The following TCHP variants were observed in gnomAD, a reference collection of about 807,000 sequenced individuals.
TCHP encodes the protein trichoplein keratin filament binding.
A neutral mutation model predicts 88.7 loss-of-function variants in TCHP; 81 were observed. The observed-to-expected ratio is 0.91, with a 90% CI of 0.76 to 1.10. The LOEUF is 1.10. TCHP is among the 50% of genes least tolerant of loss of function. The probability of loss-of-function intolerance (pLI) is 0.00; values close to 1 mark genes in which losing one functional copy is unlikely to be tolerated. For missense variants in TCHP, 641 were observed against 632.1 expected (o/e 1.01, Z -0.15); for synonymous variants, 232 against 232.5 (o/e 1.00, Z 0.02).
chr12:109,891,784 A>G, the TCHP span, among the ~76,000 whole-genome samples: 1 of 151,498 alleles, frequency 6.6e-6, no homozygotes, highest in African/African-American at 2.4e-5. Flanking sequence ...GGCTAGGCTC[A>G]CTGAAAACTC....
At chr12:109,909,177 TAAGTG>T (rs1331295272) in intron 8 of TCHP, among the ~76,000 whole-genome samples, 5 of 152,216 alleles carry the variant, frequency 3.3e-5, no homozygotes, top group Non-Finnish European at 7.4e-5. Context: ...GAGCCAATCT[TAAGTG>T]TTGTCACCAT....
In TCHP at chr12:109,905,036, A is replaced by G. The variant is rs886565485; in HGVS notation, c.456+243A>G. ...CCAGGTGCGGGCATGGAGATTAGAC[A>G]TGGTTTCTGCTCATTAGCTTGTGTC... On this transcript the variant is annotated intron_variant, in intron 4 of 12. Coordinates refer to ENST00000405876, the MANE Select transcript of TCHP (RefSeq NM_001143852.2). The surrounding 1 kb of genome is among the most constrained non-coding windows in gnomAD (Gnocchi z 4.0). 7.7e-6 allele frequency: 4 copies of G among 517,172 alleles called. No homozygotes were observed. Among genetic ancestry groups the G allele is most frequent in the African/African-American group, 1.9e-5 (1 of 51,936 alleles). 32.0% of individuals were successfully genotyped at this position (517,172 alleles called of 1,614,324 possible).
At chr12:109,913,340 G>T (rs945579472) in intron 10 of TCHP, among the ~76,000 whole-genome samples, 2 of 152,238 alleles carry the variant, frequency 1.3e-5, no homozygotes, top group African/African-American at 4.8e-5. Context: ...TTCTATGCCT[G>T]ACATTTTTTC....
At position 109,917,626 on chromosome 12, in the gene TCHP, C is replaced by G. The variant is rs117176903; in HGVS notation, c.*1003C>G. The G allele has an allele frequency of 3.3e-5, 5 of 152,510 alleles. No homozygotes were observed. Among genetic ancestry groups the G allele is most frequent in the South Asian group, 2.1e-4 (1 of 4,826 alleles). The allele number at this position is 152,510 out of a possible 1,614,324, so 9.4% of individuals were successfully genotyped here. On this transcript the variant is annotated 3_prime_UTR_variant, in exon 13 of 13. Transcript: ENST00000405876. The stretch of plus-strand genomic sequence containing the variant: ...CTAGATGAGTCTCAGAACCACAGAC[C>G]GGCCAGAAATCTCTCCCACCATTAT...
At position 109,905,960 on chromosome 12, in the gene TCHP, C is replaced by G. The variant is rs1307764519; in HGVS notation, c.457-612C>G. Among the ~76,000 whole-genome samples, 1 of 152,210 alleles carries G rather than the reference C, an allele frequency of 6.6e-6. No individual in the cohort carries two copies. Among genetic ancestry groups the G allele is most frequent in the African/African-American group, 2.4e-5 (1 of 41,438 alleles). On this transcript the variant is annotated intron_variant, in intron 4 of 12. Coordinates refer to ENST00000405876, the MANE Select transcript of TCHP (RefSeq NM_001143852.2). The surrounding 1 kb of genome is among the most constrained non-coding windows in gnomAD (Gnocchi z 4.0). ...AAGTGATCCTCCCACCTCAGCCTCC[C>G]GAGTAGCTGAGACTACAGGTGGGCG...
Position 109,904,096 on chromosome 12 carries a change from C to T in TCHP, c.348C>T (p.Ile116=). Residue 116 remains isoleucine, a synonymous_variant, in exon 3 of 13, where the codon ATC becomes ATT. Transcript: ENST00000405876. ...RLSMNLQERR[I]REQHGKLKSA... ...GCATGAACTTGCAGGAAAGAAGAAT[C>T]CGGGAGCAGCACGGGAAGCTGAAAT... 6.3e-7 allele frequency: 1 copy of T among 1,594,342 alleles called. No individual in the cohort carries two copies. The highest frequency in any genetic ancestry group is 1.3e-5 in the African/African-American group (1 of 74,524).
At chr12:109,913,803 G>T (rs1354742336) in intron 10 of TCHP, among the ~76,000 whole-genome samples, 1 of 152,202 alleles carries the variant, frequency 6.6e-6, no homozygotes, top group Non-Finnish European at 1.5e-5. Flanking sequence ...GTCGTGATTG[G>T]TGATGTTTTG....
the TCHP span, among the ~76,000 whole-genome samples, chr12:109,889,669 T>C: frequency 6.6e-6 from 1 of 152,128 alleles, no homozygotes; most frequent in African/African-American, 2.4e-5. Context: ...TGATGTGAGA[T>C]TTCAATGGGT....
Position 109,903,826 on chromosome 12 carries a change from C to G in TCHP, c.189-111C>G. ...TCTCTGCTTTGGCTGGGGACACATTCCTGTGTCGTCATGACACATCTACCT... is the reference window on the plus strand; with the variant it reads ...TCTCTGCTTTGGCTGGGGACACATTGCTGTGTCGTCATGACACATCTACCT... On this transcript the variant is annotated intron_variant, in intron 2 of 12. Transcript: ENST00000405876. The surrounding 1 kb of genome is among the most constrained non-coding windows in gnomAD (Gnocchi z 4.6). 4 of 830,408 alleles carry G rather than the reference C, an allele frequency of 4.8e-6. No homozygotes were observed. The highest frequency in any genetic ancestry group is 7.9e-6 in the Non-Finnish European group (4 of 504,694). 51.4% of individuals were successfully genotyped at this position (830,408 alleles called of 1,614,324 possible).
chr12:109,912,603 C>T (rs1002815372), intron 9 of TCHP, among the ~76,000 whole-genome samples: 1 of 152,084 alleles, frequency 6.6e-6, no homozygotes, highest in African/African-American at 2.4e-5. Context: ...CCAGCCTGAC[C>T]AACATGGTGA....
Position 109,908,574 on chromosome 12 carries a change from T to C in TCHP, c.700-12T>C. 1 of 1,587,578 alleles carries C rather than the reference T, an allele frequency of 6.3e-7. No individual in the cohort carries two copies. The highest frequency in any genetic ancestry group is 1.2e-5 in the South Asian group (1 of 86,698). ...CAGATCTCAGTCGAGCTTACTCTCA[T>C]CATCACCACAGGCGACCAAACTAAA... is the stretch of plus-strand genomic sequence containing the variant. On this transcript the variant is annotated splice_polypyrimidine_tract_variant and intron_variant, in intron 6 of 12. Coordinates refer to ENST00000405876, the MANE Select transcript of TCHP (RefSeq NM_001143852.2).
At chr12:109,907,167 C>T (rs1402809282) in intron 5 of TCHP, among the ~76,000 whole-genome samples, 2 of 152,220 alleles carry the variant, frequency 1.3e-5, no homozygotes, top group Admixed American at 6.5e-5. Context: ...GGATTACAGG[C>T]GTGGGCCACA....
intron 3 of TCHP, among the ~76,000 whole-genome samples, chr12:109,904,359 A>T (rs1870004864): frequency 6.6e-6 from 1 of 152,104 alleles, no homozygotes; most frequent in Non-Finnish European, 1.5e-5. Context: ...ATTACATCTG[A>T]GTGCTTTTCC....
upstream of TCHP, among the ~76,000 whole-genome samples, chr12:109,899,216 GAACA>G (rs1205992621): frequency 6.6e-6 from 1 of 152,128 alleles, no homozygotes; most frequent in Non-Finnish European, 1.5e-5. Context: ...AAAGAAAAGA[GAACA>G]AACAAGTATT....
In TCHP at chr12:109,903,841, C is replaced by T; in HGVS notation, c.189-96C>T. On this transcript the variant is annotated intron_variant, in intron 2 of 12. Transcript: ENST00000405876. The surrounding 1 kb of genome is among the most constrained non-coding windows in gnomAD (Gnocchi z 4.6). Reference sequence around the variant, plus strand: ...GGGACACATTCCTGTGTCGTCATGACACATCTACCTCAGCCTCTTTTACCG... The same window carrying T: ...GGGACACATTCCTGTGTCGTCATGATACATCTACCTCAGCCTCTTTTACCG... 1.0e-6 allele frequency: 1 copy of T among 963,758 alleles called. No individual in the cohort carries two copies. The highest frequency in any genetic ancestry group is 1.6e-6 in the Non-Finnish European group (1 of 619,306). 59.7% of individuals were successfully genotyped at this position (963,758 alleles called of 1,614,324 possible).
At chr12:109,904,297 C>G (rs1318637153) in intron 3 of TCHP, 150 bp downstream of exon 3, 1 of 691,264 alleles carries the variant, frequency 1.4e-6, no homozygotes, top group African/African-American at 1.8e-5. Flanking sequence ...GGTCCTTGTG[C>G]AGGGACTGGG....
intron 5 of TCHP, 124 bp from the exon 6 acceptor site, chr12:109,907,402 G>A (rs960328867): frequency 2.6e-5 from 25 of 969,010 alleles, no homozygotes; most frequent in Middle Eastern, 2.2e-4. Context: ...GTCTGAGGGC[G>A]TTGTCATTTG....
At chr12:109,887,424 A>C in the TCHP span, among the ~76,000 whole-genome samples, 26 of 145,018 alleles carry the variant, frequency 1.8e-4, 1 homozygote, top group African/African-American at 6.3e-4. Context: ...AAAAAAAAAC[A>C]AAAAAAAAAA....
chr12:109,915,673 TC>T lies in TCHP; in HGVS notation c.1464+128del. On this transcript the variant is annotated intron_variant, in intron 12 of 12. Coordinates refer to ENST00000405876, the MANE Select transcript of TCHP (RefSeq NM_001143852.2). ...CCGGCCGTCCGGGTTATTCCTTGTT[TC>T]TCTTCTCTTGTATTTCTCTCTTCCC... The T allele has an allele frequency of 5.2e-6, 6 of 1,149,698 alleles. 1 individual carries two copies. The South Asian group carries it at 9.8e-5, about 19-fold the overall frequency. 71.2% of individuals were successfully genotyped at this position (1,149,698 alleles called of 1,614,324 possible). A position where few individuals can be genotyped will look rare whatever the true frequency, so the allele number is the denominator to read the frequency against.
Sources: gnomAD v4.1 joint callset for allele counts (sites outside exome capture counted in the v4.1 genomes callset) on GRCh38, gnomAD v4.1.1 for gene constraint, Gnocchi (gnomAD v3.1) non-coding constraint, MANE v1.5 for transcripts, NCBI Gene and HGNC (gene_info 2026-07-23, HGNC 2026-07-21) for gene names.